SPTBN1: variants seen among roughly 807,000 people sequenced by gnomAD.
The protein encoded by SPTBN1 is spectrin beta, non-erythrocytic 1.
SPTBN1 carries 32 observed loss-of-function variants against 266.4 expected under a neutral mutation model. That is an observed-to-expected ratio of 0.12 (90% confidence interval 0.09 to 0.16). The LOEUF is 0.16. SPTBN1 is among the 10% of genes least tolerant of loss of function. The probability of loss-of-function intolerance (pLI) is 1.00; values close to 1 mark genes in which losing one functional copy is unlikely to be tolerated. For missense variants in SPTBN1, 2,296 were observed against 3,067.1 expected (o/e 0.75, Z 5.94); for synonymous variants, 1,336 against 1,162.2 (o/e 1.15, Z -3.04).
rs61106690 is a variant in SPTBN1 at position 54,579,492 on chromosome 2, C to T, written c.149-19600C>T. ...GCCCCCAATGAGGGGTAGTTCGTCTCTGTATTGGTAGCATTAGCGCACGTG... is the reference window on the plus strand; with the variant it reads ...GCCCCCAATGAGGGGTAGTTCGTCTTTGTATTGGTAGCATTAGCGCACGTG... On this transcript the variant is annotated intron_variant, in intron 2 of 35. Transcript: ENST00000356805. Among the ~76,000 whole-genome samples, 88 of 152,330 alleles carry T rather than the reference C, an allele frequency of 5.8e-4. No homozygotes were observed. The East Asian group carries it at 0.016, about 27-fold the overall frequency.
At chr2:54,633,666 G>A (rs1396089420) in intron 17 of SPTBN1, among the ~76,000 whole-genome samples, 4 of 152,216 alleles carry the variant, frequency 2.6e-5, no homozygotes, top group Admixed American at 2.6e-4. Flanking sequence ...CTGTGAGACT[G>A]ATGTAATCAA....
At chr2:54,501,741 T>C (rs1192718517) in intron 1 of SPTBN1, among the ~76,000 whole-genome samples, 2 of 152,330 alleles carry the variant, frequency 1.3e-5, no homozygotes, top group African/African-American at 4.8e-5. Flanking sequence ...TGCCCTTTGC[T>C]GGCACTGGGC....
At chr2:54,577,474 C>T (rs951362752) in intron 2 of SPTBN1, among the ~76,000 whole-genome samples, 2 of 152,176 alleles carry the variant, frequency 1.3e-5, no homozygotes, top group African/African-American at 4.8e-5. Flanking sequence ...TATATGGATT[C>T]TCATGCAAAG....
In SPTBN1 at chr2:54,486,728, T is replaced by A. The variant is rs539495305; in HGVS notation, c.-48+30210T>A. ...CCAAGAATGATCAATTAAAAAAAAA[T>A]AATAAATTAAAAAAAAAAAAAGAAA... On this transcript the variant is annotated intron_variant, in intron 1 of 35. Coordinates refer to ENST00000356805, the MANE Select transcript of SPTBN1 (RefSeq NM_003128.3). 2.1e-3 allele frequency among the ~76,000 whole-genome samples: 291 copies of A among 141,336 alleles called. 1 individual carries two copies. Among genetic ancestry groups the A allele is most frequent in the Admixed American group, 4.9e-3 (70 of 14,332 alleles). 92.7% of individuals were successfully genotyped at this position (141,336 alleles called of 152,430 possible).
At chr2:54,494,570 A>G (rs1235641542) in intron 1 of SPTBN1, among the ~76,000 whole-genome samples, 2 of 152,238 alleles carry the variant, frequency 1.3e-5, no homozygotes, top group Admixed American at 6.5e-5. Flanking sequence ...AAAACAAACT[A>G]TTGGTATATG....
chr2:54,641,300 C>CTG (rs1365901807), intron 18 of SPTBN1, among the ~76,000 whole-genome samples: 1 of 152,100 alleles, frequency 6.6e-6, no homozygotes, highest in African/African-American at 2.4e-5. Context: ...AGCGCGCTCT[C>CTG]TCTCTCTCTC....
Position 54,630,863 on chromosome 2 carries a change from A to G in SPTBN1, c.2816A>G (p.Gln939Arg). 1 of 1,585,072 alleles carries G rather than the reference A, an allele frequency of 6.3e-7. No homozygotes were observed. Among genetic ancestry groups the G allele is most frequent in the Non-Finnish European group, 8.6e-7 (1 of 1,163,768 alleles). ...QQDKLNTRWS[Q>R]FRELVDRKKD... ...TGCCCCTGCACTCACAGGTGGAGCCAGTTCAGAGAACTGGTTGACAGGAAG... is the reference window on the plus strand; with the variant it reads ...TGCCCCTGCACTCACAGGTGGAGCCGGTTCAGAGAACTGGTTGACAGGAAG... The change falls in exon 16 of 36, where the codon CAG (glutamine) becomes CGG (arginine). Residue 939 changes from glutamine to arginine, a missense_variant. Around this residue, in one of 12 missense-constraint regions of SPTBN1, gnomAD observed 128 missense variants for 176.5 expected, o/e 0.73. Transcript: ENST00000356805.
rs758818800 is a variant in SPTBN1 at position 54,622,328 on chromosome 2, A to G, written c.905A>G (p.Lys302Arg). Residue 302 changes from lysine to arginine, a missense_variant, in exon 9 of 36, where the codon AAA (lysine) becomes AGA (arginine). Coordinates refer to ENST00000356805, the MANE Select transcript of SPTBN1 (RefSeq NM_003128.3). The stretch of plus-strand genomic sequence containing the variant: ...CTTGACAATGCTATTGAAACAGAAA[A>G]AATGATTGAAAAGTATGAATCACTT... ...KVLDNAIETE[K>R]MIEKYESLAS... 6.2e-7 allele frequency: 1 copy of G among 1,614,158 alleles called. No homozygotes were observed. The highest frequency in any genetic ancestry group is 1.1e-5 in the South Asian group (1 of 91,056).
chr2:54,522,069 T>A (rs896947131), intron 1 of SPTBN1, among the ~76,000 whole-genome samples: 6 of 151,634 alleles, frequency 4.0e-5, no homozygotes, highest in African/African-American at 4.8e-5. Context: ...GGCTATTTTT[T>A]TTTTTTATTT....
chr2:54,647,001 G>C (rs964306726), intron 23 of SPTBN1, 130 bp from the exon 24 acceptor site: 21 of 1,347,850 alleles, frequency 1.6e-5, no homozygotes, highest in Non-Finnish European at 2.1e-5. Flanking sequence ...TCCACTGTCC[G>C]TACTGCACCT....
chr2:54,557,890 C>A (rs999058308), intron 2 of SPTBN1: 1 of 985,272 alleles, frequency 1.0e-6, no homozygotes, highest in Non-Finnish European at 1.2e-6. Context: ...GACTTCTTCC[C>A]GGTGGCTCGC....
chr2:54,577,744 G>A (rs1035027120), intron 2 of SPTBN1, among the ~76,000 whole-genome samples: 1 of 152,198 alleles, frequency 6.6e-6, no homozygotes, highest in Non-Finnish European at 1.5e-5. Context: ...TCCAACCCAC[G>A]CAGTGCGCTT....
At chr2:54,522,455 ACC>A (rs1295892520) in intron 1 of SPTBN1, among the ~76,000 whole-genome samples, 1 of 151,604 alleles carries the variant, frequency 6.6e-6, no homozygotes, top group Non-Finnish European at 1.5e-5. Flanking sequence ...ACATGGTGAA[ACC>A]CCATTTCTAC....
At chr2:54,611,649 A>G (rs1677224420) in intron 3 of SPTBN1, among the ~76,000 whole-genome samples, 1 of 152,066 alleles carries the variant, frequency 6.6e-6, no homozygotes, top group South Asian at 2.1e-4. Flanking sequence ...TCTTTACTTA[A>G]CCTTCACCCC....
At chr2:54,460,474 A>G (rs1010281864) in intron 1 of SPTBN1, among the ~76,000 whole-genome samples, 4 of 152,220 alleles carry the variant, frequency 2.6e-5, no homozygotes, top group South Asian at 2.1e-4. Context: ...GTTGAAAAAC[A>G]GTCTTTTTCC....
chr2:54,565,041 A>G (rs969481008), intron 2 of SPTBN1, among the ~76,000 whole-genome samples: 1 of 152,212 alleles, frequency 6.6e-6, no homozygotes, highest in African/African-American at 2.4e-5. Flanking sequence ...CAGCATCAGC[A>G]TCATCTGGGA....
At chr2:54,596,632 G>A (rs769618090) in intron 2 of SPTBN1, among the ~76,000 whole-genome samples, 1 of 152,206 alleles carries the variant, frequency 6.6e-6, no homozygotes, top group Non-Finnish European at 1.5e-5. Flanking sequence ...AGGAGAGTTC[G>A]AAGGGAGGGG....
Position 54,668,955 on chromosome 2 carries a change from C to T in SPTBN1, c.*386C>T. The T allele has an allele frequency of 8.6e-6, 2 of 232,238 alleles. No homozygotes were observed. Among genetic ancestry groups the T allele is most frequent in the Non-Finnish European group, 1.7e-5 (2 of 116,372 alleles). The allele number at this position is 232,238 out of a possible 1,614,324, so 14.4% of individuals were successfully genotyped here. ...ACCAGAGGCAAAATGTACCAATATC[C>T]TGACACCATTCTCTCTCCATTTACT... On this transcript the variant is annotated 3_prime_UTR_variant, in exon 36 of 36. Coordinates refer to ENST00000356805, the MANE Select transcript of SPTBN1 (RefSeq NM_003128.3).
intron 3 of SPTBN1, among the ~76,000 whole-genome samples, chr2:54,599,908 C>G (rs907022519): frequency 6.6e-6 from 1 of 152,198 alleles, no homozygotes; most frequent in Non-Finnish European, 1.5e-5. Flanking sequence ...AAGCTTAAAG[C>G]AGTCACTGTG....
Sources: gnomAD v4.1 joint callset for allele counts (sites outside exome capture counted in the v4.1 genomes callset) on GRCh38, gnomAD v4.1.1 for gene constraint, gnomAD v4.1.1 regional missense constraint, MANE v1.5 for transcripts, NCBI Gene and HGNC (gene_info 2026-07-23, HGNC 2026-07-21) for gene names.